The following TNS2 variants were observed in gnomAD, a reference collection of about 807,000 sequenced individuals.
TNS2 encodes the protein tensin 2.
A neutral mutation model predicts 155.7 loss-of-function variants in TNS2; 77 were observed. That is an observed-to-expected ratio of 0.49 (90% CI 0.41 to 0.60). The LOEUF is 0.60. Ranked by LOEUF, TNS2 falls within the 20% of genes least tolerant of loss-of-function variation. TNS2 has a pLI of 0.00. For synonymous variants in TNS2, 726 were observed against 763.9 expected (o/e 0.95, Z 0.82); for missense variants, 1,703 against 1,868.8 (o/e 0.91, Z 1.64).
upstream of TNS2, among the ~76,000 whole-genome samples, chr12:53,048,151 T>C (rs370864696): frequency 2.0e-5 from 3 of 152,074 alleles, no homozygotes; most frequent in South Asian, 6.2e-4. Flanking sequence ...GACTGGCTCA[T>C]AGGGATCCCA....
chr12:53,057,084 C>G lies in TNS2; in HGVS notation c.833C>G (p.Pro278Arg). 1 of 1,613,118 alleles carries G rather than the reference C, an allele frequency of 6.2e-7. No individual in the cohort carries two copies. The change falls in exon 11 of 29, where the codon CCC becomes CGC. Residue 278 changes from proline to arginine, a missense_variant. Physicochemically the swap from Pro to Arg is moderately radical, Grantham distance 103. Transcript: ENST00000314250. ...GACAAGGTGGCCACAGAACTGCAGC[C>G]CTCCCAGCGTCGGTGAGCAGCCTGG... is the stretch of plus-strand genomic sequence containing the variant. ...CEDKVATELQPSQRRYISYFS... is the reference protein window; with the variant it reads ...CEDKVATELQRSQRRYISYFS...
Position 53,061,170 on chromosome 12 carries a change from C to T in TNS2, c.3264C>T (p.Pro1088=). The T allele has an allele frequency of 1.2e-6, 2 of 1,603,772 alleles. No homozygotes were observed. The highest frequency in any genetic ancestry group is 1.7e-6 in the Non-Finnish European group (2 of 1,174,872). ...CCGGGCCGGGGCAACAGCCAGGACC[C>T]TGGGGCCCAGAGCAGGCATCATCGC... ...HLPGPGQQPG[P]WGPEQASSPA... is the part of the protein sequence containing the mutation. The change falls in exon 20 of 29, where the codon CCC becomes CCT. Residue 1088 remains proline, a synonymous_variant. Transcript: ENST00000314250.
At chr12:53,047,270 C>G (rs1210976659), upstream of TNS2, among the ~76,000 whole-genome samples, 1 of 145,268 alleles carries the variant, frequency 6.9e-6, no homozygotes, top group Non-Finnish European at 1.5e-5. Context: ...CCTCCTCCTC[C>G]GCGTCCGCTC....
Position 53,051,925 on chromosome 12 carries a change from G to A in TNS2, c.146G>A (p.Cys49Tyr). The A allele has an allele frequency of 6.2e-7, 1 of 1,613,688 alleles. No homozygotes were observed. Among genetic ancestry groups the A allele is most frequent in the Non-Finnish European group, 8.5e-7 (1 of 1,179,754 alleles). The stretch of plus-strand genomic sequence containing the variant: ...AAGAAACCTCCAGTCTGTGCAGTAT[G>A]TAAGGTGACCATCGATGGGACAGGC... The part of the protein sequence containing the change: ...FRKKPPVCAV[C>Y]KVTIDGTGVS... The change falls in exon 2 of 29, where the codon TGT (cysteine) becomes TAT (tyrosine). Residue 49 changes from cysteine to tyrosine, a missense_variant. Coordinates refer to ENST00000314250, the MANE Select transcript of TNS2 (RefSeq NM_170754.4).
chr12:53,061,919 C>T lies in TNS2; in HGVS notation c.3553C>T (p.Pro1185Ser). The change falls in exon 22 of 29, where the codon CCC becomes TCC. Residue 1185 changes from proline (P) to serine (S), a missense_variant. By Grantham distance (74) the Pro-to-Ser change is moderately conservative. Transcript: ENST00000314250. ...GGCCCTCAAGGTGGCCACACCGCCA[C>T]CCAGTGCCCAGCCCTGGAAAGGTAC... is the stretch of plus-strand genomic sequence containing the variant. ...GLALKVATPP[P>S]SAQPWKGDPV... 6.2e-7 allele frequency: 1 copy of T among 1,612,950 alleles called. No homozygotes were observed. Among genetic ancestry groups the T allele is most frequent in the Non-Finnish European group, 8.5e-7 (1 of 1,179,674 alleles).
intron 6 of TNS2, 32 bp downstream of exon 6, chr12:53,054,046 A>T (rs374618963): frequency 4.3e-6 from 7 of 1,613,062 alleles, no homozygotes; most frequent in South Asian, 1.1e-5. Context: ...GTCCCACGTG[A>T]CCCCCTTTCC....
rs755443255 is a variant in TNS2, at chr12:53,060,013, A to G, written c.2372A>G (p.Tyr791Cys). ...TACCCTGCCCTGGTGACATACAGCT[A>G]TGGAGGAGCAGTTCCCAGTTACTGC... ...PGYPALVTYS[Y>C]GGAVPSYCPA... Residue 791 changes from tyrosine (Y) to cysteine (C), a missense_variant, in exon 18 of 29, where the codon TAT (tyrosine) becomes TGT (cysteine). Coordinates refer to ENST00000314250, the MANE Select transcript of TNS2 (RefSeq NM_170754.4). The surrounding 1 kb of genome is among the most constrained non-coding windows in gnomAD (Gnocchi z 6.1). 3 of 1,613,382 alleles carry G rather than the reference A, an allele frequency of 1.9e-6. No homozygotes were observed. Among genetic ancestry groups the G allele is most frequent in the East Asian group, 4.5e-5 (2 of 44,890 alleles).
chr12:53,052,008 C>A, intron 2 of TNS2, 45 bp downstream of exon 2: 2 of 1,439,546 alleles, frequency 1.4e-6, no homozygotes, highest in South Asian at 1.2e-5. Context: ...CACCCAGTAC[C>A]ACTGTGTTGC....
Position 53,062,453 on chromosome 12 carries a change from G to A in TNS2, c.3745G>A (p.Asp1249Asn). 1 of 1,613,742 alleles carries A rather than the reference G, an allele frequency of 6.2e-7. No homozygotes were observed. The highest frequency in any genetic ancestry group is 8.5e-7 in the Non-Finnish European group (1 of 1,179,932). ...CTGCTGCCTGCGCATTCCCAGCAAA[G>A]GTGAGTGTCTGGTCATCTGTCCTCC... Reference protein sequence around the residue: ...LPCCLRIPSKDPLEETPEAPV... With the variant: ...LPCCLRIPSKNPLEETPEAPV... Residue 1249 changes from aspartate (D) to asparagine (N), a missense_variant and splice_region_variant, in exon 24 of 29, where the codon GAT becomes AAT. Asp to Asn is a conservative substitution (Grantham distance 23). Coordinates refer to ENST00000314250, the MANE Select transcript of TNS2 (RefSeq NM_170754.4).
Position 53,055,764 on chromosome 12 carries a change from G to C in TNS2, c.697-17G>C. 1 of 1,614,212 alleles carries C rather than the reference G, an allele frequency of 6.2e-7. No homozygotes were observed. Among genetic ancestry groups the C allele is most frequent in the Non-Finnish European group, 8.5e-7 (1 of 1,180,036 alleles). On this transcript the variant is annotated splice_polypyrimidine_tract_variant and intron_variant, in intron 9 of 28. Transcript: ENST00000314250. ...CTGGAGCTCCCAGACCCTCATCCCT[G>C]TCTCTCTGTCTGTCAGGGAAACAAG...
Position 53,055,166 on chromosome 12 carries a change from GCCCTCC to G in TNS2, c.523-15_523-10del, listed in dbSNP as rs766156812. On this transcript the variant is annotated splice_polypyrimidine_tract_variant and intron_variant, in intron 7 of 28. Coordinates refer to ENST00000314250, the MANE Select transcript of TNS2 (RefSeq NM_170754.4). ...TTGCCGGAGATCATTTCTGTCTAAAGCCCTCCCCCTTTATTTCAGCTCTTCAACCTT... is the reference window on the plus strand; with the variant it reads ...TTGCCGGAGATCATTTCTGTCTAAAGCCCTTTATTTCAGCTCTTCAACCTT... 6.2e-7 allele frequency: 1 copy of G among 1,613,742 alleles called. No individual in the cohort carries two copies. Among genetic ancestry groups the G allele is most frequent in the South Asian group, 1.1e-5 (1 of 91,076 alleles).
chr12:53,057,945 C>T, intron 13 of TNS2, 82 bp from the exon 14 acceptor site: 1 of 1,608,458 alleles, frequency 6.2e-7, no homozygotes, highest in Non-Finnish European at 8.5e-7. Flanking sequence ...AGACTCTGGT[C>T]TCCTGGCTCC....
upstream of TNS2, among the ~76,000 whole-genome samples, chr12:53,047,965 G>C (rs573264398): frequency 1.3e-5 from 2 of 152,334 alleles, no homozygotes; most frequent in Admixed American, 1.3e-4. Flanking sequence ...TCCAGAAAGG[G>C]GGGTGTGGGT....
In TNS2 at chr12:53,060,997, C is replaced by T. The variant is rs758927863; in HGVS notation, c.3091C>T (p.Pro1031Ser). The T allele has an allele frequency of 6.2e-7, 1 of 1,612,910 alleles. No individual in the cohort carries two copies. Among genetic ancestry groups the T allele is most frequent in the Non-Finnish European group, 8.5e-7 (1 of 1,179,626 alleles). ...RGPPDSPDGS[P>S]LTPVPSQMPW... ...CCCCCCCGACAGCCCAGATGGGTCT[C>T]CCCTCACTCCTGTGCCTTCCCAGAT... The change falls in exon 20 of 29, where the codon CCC (proline) becomes TCC (serine). Residue 1031 changes from proline (P) to serine (S), a missense_variant. By Grantham distance (74) the Pro-to-Ser change is moderately conservative. Coordinates refer to ENST00000314250, the MANE Select transcript of TNS2 (RefSeq NM_170754.4). This position sits in a 1 kb window ranked among gnomAD's most constrained non-coding sequence, Gnocchi z 6.1.
At position 53,061,121 on chromosome 12, in the gene TNS2, C is replaced by A. The variant is rs766782077; in HGVS notation, c.3215C>A (p.Pro1072Gln). ...SYDTNGLSQP[P>Q]LPEKRHLPGP... ...GACACCAATGGCCTTAGCCAGCCCCCACTTCCTGAGAAACGCCACCTGCCC... is the reference window on the plus strand; with the variant it reads ...GACACCAATGGCCTTAGCCAGCCCCAACTTCCTGAGAAACGCCACCTGCCC... The change falls in exon 20 of 29, where the codon CCA (proline) becomes CAA (glutamine). Residue 1072 changes from proline to glutamine, a missense_variant. Coordinates refer to ENST00000314250, the MANE Select transcript of TNS2 (RefSeq NM_170754.4). The A allele has an allele frequency of 5.6e-6, 9 of 1,610,914 alleles. No individual in the cohort carries two copies. Among genetic ancestry groups the A allele is most frequent in the Non-Finnish European group, 7.6e-6 (9 of 1,178,476 alleles).
Position 53,061,001 on chromosome 12 carries a change from T to C in TNS2, c.3095T>C (p.Leu1032Pro). ...CCCGACAGCCCAGATGGGTCTCCCC[T>C]CACTCCTGTGCCTTCCCAGATGCCC... ...GPPDSPDGSPLTPVPSQMPWL... is the reference protein window; with the variant it reads ...GPPDSPDGSPPTPVPSQMPWL... The change falls in exon 20 of 29, where the codon CTC becomes CCC. Residue 1032 changes from leucine to proline, a missense_variant. Physicochemically the swap from Leu to Pro is moderately conservative, Grantham distance 98. Coordinates refer to ENST00000314250, the MANE Select transcript of TNS2 (RefSeq NM_170754.4). 1 of 1,613,158 alleles carries C rather than the reference T, an allele frequency of 6.2e-7. No individual in the cohort carries two copies. The highest frequency in any genetic ancestry group is 8.5e-7 in the Non-Finnish European group (1 of 1,179,666).
At chr12:53,052,590 TCCAC>T (rs1380529900) in intron 3 of TNS2, 98 bp downstream of exon 3, 1 of 1,495,664 alleles carries the variant, frequency 6.7e-7, no homozygotes, top group African/African-American at 1.4e-5. Flanking sequence ...ACCCTCCACC[TCCAC>T]CCCTCTCACC....
At chr12:53,058,880 G>C (rs767211690) in intron 17 of TNS2, 53 bp downstream of exon 17, 9 of 1,592,008 alleles carry the variant, frequency 5.7e-6, no homozygotes, top group Non-Finnish European at 7.7e-6. Context: ...GGGACCCTGG[G>C]GGGTGGTGCC....
Position 53,063,381 on chromosome 12 carries a change from G to A in TNS2, c.4025G>A (p.Ser1342Asn), listed in dbSNP as rs1284363097. ...TTTCGCCGCCATTATCCAGTGAACA[G>A]CATCACCTTCTCCAGCACTGACCCT... The part of the protein sequence containing the change: ...LFFRRHYPVN[S>N]ITFSSTDPQD... The change falls in exon 27 of 29, where the codon AGC becomes AAC. Residue 1342 changes from serine (S) to asparagine (N), a missense_variant. By Grantham distance (46) the Ser-to-Asn change is conservative (BLOSUM62 1). Coordinates refer to ENST00000314250, the MANE Select transcript of TNS2 (RefSeq NM_170754.4). The surrounding 1 kb of genome is among the most constrained non-coding windows in gnomAD (Gnocchi z 5.6). 6.2e-7 allele frequency: 1 copy of A among 1,613,956 alleles called. No individual in the cohort carries two copies. Among genetic ancestry groups the A allele is most frequent in the African/African-American group, 1.3e-5 (1 of 74,982 alleles).
Sources: gnomAD v4.1 joint callset for allele counts (sites outside exome capture counted in the v4.1 genomes callset) on GRCh38, gnomAD v4.1.1 for gene constraint, Gnocchi (gnomAD v3.1) non-coding constraint, MANE v1.5 for transcripts, NCBI Gene and HGNC (gene_info 2026-07-23, HGNC 2026-07-21) for gene names.